The following CDH13 variants were observed in gnomAD, a reference collection of about 807,000 sequenced individuals.
CDH13 encodes the protein cadherin-13.
In CDH13, 24 loss-of-function variants were observed where a neutral mutation model predicts 63.8. That is an observed-to-expected ratio of 0.38 (90% CI 0.27 to 0.53). The LOEUF is 0.53. CDH13 is among the 20% of genes least tolerant of loss of function. The pLI, the probability that CDH13 is intolerant of heterozygous loss-of-function variation, is 0.85. For missense variants in CDH13, 1,049 were observed against 903.1 expected (o/e 1.16, Z -2.07); for synonymous variants, 503 against 355.3 (o/e 1.42, Z -4.67).
chr16:83,166,267 A>C (rs1224908755), intron 4 of CDH13, among the ~76,000 whole-genome samples: 1 of 152,146 alleles, frequency 6.6e-6, no homozygotes, highest in Non-Finnish European at 1.5e-5. Context: ...GAAATACCAG[A>C]CCTGACTATT....
chr16:82,656,844 C>A (rs916396825), intron 1 of CDH13, among the ~76,000 whole-genome samples: 1 of 151,664 alleles, frequency 6.6e-6, no homozygotes, highest in African/African-American at 2.4e-5. Flanking sequence ...AGTATGTAGC[C>A]TTTTCAAATT....
chr16:83,003,023 C>T (rs920200053), intron 2 of CDH13, among the ~76,000 whole-genome samples: 1 of 152,216 alleles, frequency 6.6e-6, no homozygotes, highest in Admixed American at 6.5e-5. Flanking sequence ...GAGGAAAACA[C>T]TGAATACTGG....
intron 3 of CDH13, among the ~76,000 whole-genome samples, chr16:83,120,454 T>C (rs772842021): frequency 1.3e-5 from 2 of 152,192 alleles, no homozygotes; most frequent in Non-Finnish European, 2.9e-5. Flanking sequence ...GATGACACGG[T>C]GTGCTTTGTC....
At chr16:83,708,029 C>T (rs891963210) in intron 10 of CDH13, among the ~76,000 whole-genome samples, 2 of 152,084 alleles carry the variant, frequency 1.3e-5, no homozygotes, top group African/African-American at 4.8e-5. Flanking sequence ...TTGCCCAGGG[C>T]ACCAGAAGGC....
intron 5 of CDH13, among the ~76,000 whole-genome samples, chr16:83,308,946 A>G (rs2089940141): frequency 1.3e-5 from 2 of 152,210 alleles, no homozygotes; most frequent in African/African-American, 4.8e-5. Context: ...CATTCAGATG[A>G]AGGGAAAGAG....
intron 7 of CDH13, among the ~76,000 whole-genome samples, chr16:83,588,845 G>A (rs373292822): frequency 2.0e-5 from 3 of 152,320 alleles, no homozygotes; most frequent in South Asian, 4.1e-4. Context: ...GCAGGTGGGC[G>A]AGGAATGAGG....
intron 5 of CDH13, among the ~76,000 whole-genome samples, chr16:83,329,904 C>G (rs142501120): frequency 6.6e-6 from 1 of 152,302 alleles, no homozygotes; most frequent in African/African-American, 2.4e-5. Flanking sequence ...GAATATACCA[C>G]ATTTTGATTA....
intron 6 of CDH13, among the ~76,000 whole-genome samples, chr16:83,419,703 G>T (rs994978603): frequency 6.6e-6 from 1 of 152,188 alleles, no homozygotes; most frequent in Non-Finnish European, 1.5e-5. Flanking sequence ...TCCCTGACAA[G>T]TTGCCCCAAG....
chr16:83,232,561 A>C (rs7193642), intron 5 of CDH13, among the ~76,000 whole-genome samples: 2,026 of 151,536 alleles, frequency 0.013, 67 homozygotes, highest in African/African-American at 0.045. Flanking sequence ...AACAAAAAAA[A>C]AAAAAAGTGT....
At chr16:83,155,416 GT>G (rs2037168438) in intron 4 of CDH13, among the ~76,000 whole-genome samples, 1 of 152,200 alleles carries the variant, frequency 6.6e-6, no homozygotes, top group Non-Finnish European at 1.5e-5. Flanking sequence ...CTCTGGGGCA[GT>G]GAAGGCCAAG....
At chr16:83,087,154 T>C (rs1289357000) in intron 3 of CDH13, among the ~76,000 whole-genome samples, 1 of 152,106 alleles carries the variant, frequency 6.6e-6, no homozygotes, top group Admixed American at 6.5e-5. Flanking sequence ...CTGATGAAAA[T>C]AATTCCAGCA....
At chr16:83,576,108 A>T (rs893041195) in intron 7 of CDH13, among the ~76,000 whole-genome samples, 1 of 152,198 alleles carries the variant, frequency 6.6e-6, no homozygotes, top group African/African-American at 2.4e-5. Flanking sequence ...GTCTTAAAAT[A>T]TCTTTATCAT....
intron 3 of CDH13, among the ~76,000 whole-genome samples, chr16:83,087,500 T>G (rs1414768999): frequency 6.6e-6 from 1 of 151,748 alleles, no homozygotes; most frequent in Non-Finnish European, 1.5e-5. Flanking sequence ...AAACCCTGTG[T>G]CTACTAAAAA....
chr16:83,077,192 T>C (rs1319264658), intron 3 of CDH13, among the ~76,000 whole-genome samples: 2 of 115,890 alleles, frequency 1.7e-5, no homozygotes, highest in African/African-American at 3.9e-5. Flanking sequence ...TTTTCTTTTT[T>C]TTTTTTTTTT....
Position 83,647,712 on chromosome 16 carries a change from T to G in CDH13, c.1102-23078T>G, listed in dbSNP as rs1024771655. ...TCCCCTCAAATGGCCCATCTTTTTA[T>G]CCTCAACAATCATAGGATCTGTGAC... On this transcript the variant is annotated intron_variant, in intron 8 of 13. Coordinates refer to ENST00000567109, the MANE Select transcript of CDH13 (RefSeq NM_001257.5). Among the ~76,000 whole-genome samples the G allele has an allele frequency of 3.9e-5, 6 of 152,210 alleles. No individual in the cohort carries two copies. The South Asian group carries it at 1.0e-3, about 26-fold the overall frequency.
At chr16:83,150,810 C>T (rs2036947337) in intron 4 of CDH13, among the ~76,000 whole-genome samples, 2 of 152,192 alleles carry the variant, frequency 1.3e-5, no homozygotes, top group Admixed American at 6.5e-5. Flanking sequence ...ACCTTTTCTT[C>T]CCAAGTATTT....
At chr16:82,650,067 A>T (rs1165861168) in intron 1 of CDH13, among the ~76,000 whole-genome samples, 2 of 152,166 alleles carry the variant, frequency 1.3e-5, no homozygotes, top group African/African-American at 4.8e-5. Flanking sequence ...CACTTAAAGA[A>T]TGTTCTCTGA....
chr16:83,326,640 G>A (rs564668410), intron 5 of CDH13, among the ~76,000 whole-genome samples: 3 of 152,194 alleles, frequency 2.0e-5, no homozygotes, highest in East Asian at 1.9e-4. Context: ...GCACAATCTA[G>A]GTGGTGGGTA....
At chr16:82,889,483 C>T (rs534356500) in intron 2 of CDH13, among the ~76,000 whole-genome samples, 3 of 152,332 alleles carry the variant, frequency 2.0e-5, no homozygotes, top group South Asian at 2.1e-4. Context: ...AAACTTGGCA[C>T]CCACTGTGTC....
Sources: gnomAD v4.1 joint callset for allele counts (sites outside exome capture counted in the v4.1 genomes callset) on GRCh38, gnomAD v4.1.1 for gene constraint, MANE v1.5 for transcripts, NCBI Gene and HGNC (gene_info 2026-07-23, HGNC 2026-07-21) for gene names.